Variants in MDGA2 observed in about 807,000 individuals in gnomAD.
MDGA2 encodes MAM domain containing glycosylphosphatidylinositol anchor 2.
A neutral mutation model predicts 117.8 loss-of-function variants in MDGA2; 40 were observed. The ratio of observed to expected loss-of-function variants is 0.34; its 90% CI spans 0.26 to 0.44. The LOEUF is 0.44. Ranked by LOEUF, MDGA2 falls within the 20% of genes least tolerant of loss-of-function variation. The probability of loss-of-function intolerance (pLI) is 1.00; values close to 1 mark genes in which losing one functional copy is unlikely to be tolerated. For missense variants in MDGA2, 1,123 were observed against 1,250.6 expected, an observed-to-expected ratio of 0.90 and a Z score of 1.54; for synonymous variants, 452 against 439.0, an observed-to-expected ratio of 1.03 and a Z score of -0.37.
intron 10 of MDGA2, among the ~76,000 whole-genome samples, chr14:46,915,838 G>A (rs1461234805): frequency 6.6e-6 from 1 of 152,100 alleles, no homozygotes; most frequent in African/African-American, 2.4e-5. Flanking sequence ...AATTACTTGG[G>A]ACACTTGCTA....
intron 1 of MDGA2, among the ~76,000 whole-genome samples, chr14:47,477,391 A>T (rs534765643): frequency 1.5e-4 from 23 of 152,306 alleles, no homozygotes; most frequent in African/African-American, 5.5e-4. Flanking sequence ...AGTAGAAAGT[A>T]ATTCATTGTG....
At chr14:47,645,309 T>C (rs1228574426) in intron 1 of MDGA2, among the ~76,000 whole-genome samples, 3 of 151,994 alleles carry the variant, frequency 2.0e-5, no homozygotes, top group Non-Finnish European at 2.9e-5. Flanking sequence ...GGTGGCGCGA[T>C]ATCGGCTCCC....
intron 3 of MDGA2, among the ~76,000 whole-genome samples, chr14:47,197,404 C>G (rs1885325908): frequency 1.3e-5 from 2 of 151,992 alleles, no homozygotes; most frequent in African/African-American, 2.4e-5. Context: ...ATCTGCAAAG[C>G]AGAAAGTGCT....
In MDGA2 at chr14:46,996,992, C is replaced by A; in HGVS notation, c.1819+38019G>T. On this transcript the variant is annotated intron_variant, in intron 8 of 16. Transcript: ENST00000399232. ...AGCTTCATGCCAGGAAATAGCTTTA[C>A]AGTGGCCAAAAACTAGGTGTTGGAT... is the stretch of plus-strand genomic sequence containing the variant. 4 of 374,294 alleles carry A rather than the reference C, an allele frequency of 1.1e-5. 1 individual carries two copies. The highest frequency in any genetic ancestry group is 1.0e-4 in the South Asian group (4 of 39,826). The allele number at this position is 374,294 out of a possible 1,614,324, so 23.2% of individuals were successfully genotyped here. A position where few individuals can be genotyped will look rare whatever the true frequency, so the allele number is the denominator to read the frequency against.
intron 1 of MDGA2, among the ~76,000 whole-genome samples, chr14:47,546,115 T>G (rs1443862625): frequency 1.3e-5 from 2 of 152,114 alleles, no homozygotes; most frequent in Non-Finnish European, 2.9e-5. Context: ...CAAACATAAT[T>G]TTATGATAAT....
chr14:47,163,120 T>C (rs1367324896), intron 3 of MDGA2, among the ~76,000 whole-genome samples: 3 of 152,170 alleles, frequency 2.0e-5, no homozygotes, highest in African/African-American at 7.2e-5. Flanking sequence ...TGTTGATGAA[T>C]CCTAATGGTA....
chr14:47,156,724 TG>T (rs1883403373), intron 3 of MDGA2, among the ~76,000 whole-genome samples: 1 of 152,212 alleles, frequency 6.6e-6, no homozygotes, highest in South Asian at 2.1e-4. Context: ...AAAACTATAT[TG>T]GATGTCATCT....
At position 47,478,447 on chromosome 14, in the gene MDGA2, G is replaced by T. The variant is rs545080706; in HGVS notation, c.281-176897C>A. On this transcript the variant is annotated intron_variant, in intron 1 of 16. Transcript: ENST00000399232. ...GCTGGAGTGCTATGGCGCTATCACAGGTCACCGCAGCCTTCACCTCCTGGC... is the reference window on the plus strand; with the variant it reads ...GCTGGAGTGCTATGGCGCTATCACATGTCACCGCAGCCTTCACCTCCTGGC... Among the ~76,000 whole-genome samples, 12 of 152,252 alleles carry T rather than the reference G, an allele frequency of 7.9e-5. No homozygotes were observed. In the South Asian group the frequency reaches 2.5e-3, roughly 32 times the overall value.
At chr14:47,515,422 A>C (rs1894730859) in intron 1 of MDGA2, among the ~76,000 whole-genome samples, 1 of 152,298 alleles carries the variant, frequency 6.6e-6, no homozygotes, top group East Asian at 1.9e-4. Context: ...ACATCACTGC[A>C]GTCAGTGAGC....
At chr14:46,859,530 T>C (rs1349771541) in intron 14 of MDGA2, among the ~76,000 whole-genome samples, 1 of 152,166 alleles carries the variant, frequency 6.6e-6, no homozygotes, top group Non-Finnish European at 1.5e-5. Context: ...CACATTCTGC[T>C]TGAATTTCTG....
chr14:47,256,574 A>G (rs1314325488), intron 2 of MDGA2, among the ~76,000 whole-genome samples: 2 of 152,176 alleles, frequency 1.3e-5, no homozygotes, highest in African/African-American at 4.8e-5. Flanking sequence ...ACACTTAAAG[A>G]AGATATGCTA....
At chr14:47,147,155 G>GTAGA (rs2139213686) in intron 3 of MDGA2, among the ~76,000 whole-genome samples, 1 of 151,340 alleles carries the variant, frequency 6.6e-6, no homozygotes, top group South Asian at 2.1e-4. Flanking sequence ...ATGCCCATGT[G>GTAGA]TAGATATACA....
intron 1 of MDGA2, among the ~76,000 whole-genome samples, chr14:47,303,215 G>A (rs1050171153): frequency 6.6e-6 from 1 of 152,044 alleles, no homozygotes; most frequent in African/African-American, 2.4e-5. Flanking sequence ...GTTAGACTAG[G>A]TTCTGGGTAT....
chr14:46,966,977 CATTT>C (rs1259075279), intron 8 of MDGA2, among the ~76,000 whole-genome samples: 3 of 148,346 alleles, frequency 2.0e-5, no homozygotes, highest in Admixed American at 6.8e-5. Context: ...TAAAATTTTG[CATTT>C]ATTTCTTGAA....
intron 14 of MDGA2, among the ~76,000 whole-genome samples, chr14:46,864,545 G>GT (rs71112467): frequency 0.054 from 2,763 of 51,388 alleles, 577 homozygotes; most frequent in Admixed American, 0.12. Flanking sequence ...AGATATTGCT[G>GT]TTTTTTTTTT....
At chr14:47,468,903 C>T (rs1950385) in intron 1 of MDGA2, among the ~76,000 whole-genome samples, 113,068 of 151,900 alleles carry the variant, frequency 0.74, 42,588 homozygotes, top group East Asian at 1. Context: ...AAATGTCAAA[C>T]CTGCTCCATA....
chr14:47,058,965 C>T (rs1416563721), intron 7 of MDGA2: 1 of 975,386 alleles, frequency 1.0e-6, no homozygotes, highest in African/African-American at 1.8e-5. Flanking sequence ...TTTATTTTCA[C>T]TGGACACCAC....
chr14:47,162,404 C>T (rs1180779199), intron 3 of MDGA2, among the ~76,000 whole-genome samples: 2 of 152,086 alleles, frequency 1.3e-5, no homozygotes, highest in African/African-American at 4.8e-5. Context: ...CTACAGGATT[C>T]CTGAGTTGCT....
At chr14:47,078,303 A>T (rs1890571154) in intron 6 of MDGA2, among the ~76,000 whole-genome samples, 1 of 152,104 alleles carries the variant, frequency 6.6e-6, no homozygotes, top group African/African-American at 2.4e-5. Context: ...TCTCCTCCAT[A>T]TATATCAATA....
Sources: allele counts gnomAD v4.1 joint callset (sites outside exome capture counted in the v4.1 genomes callset), GRCh38; gene constraint gnomAD v4.1.1; transcripts MANE v1.5; gene names NCBI Gene and HGNC (gene_info 2026-07-23, HGNC 2026-07-21).